The following PLEKHA6 variants were observed in gnomAD, a reference collection of about 807,000 sequenced individuals.
PLEKHA6 encodes the protein pleckstrin homology domain-containing family A member 6.
In PLEKHA6, 60 loss-of-function variants were observed where a neutral mutation model predicts 116.7. That is an observed-to-expected ratio of 0.51 (90% CI 0.42 to 0.64). The LOEUF (loss-of-function observed/expected upper bound fraction) is 0.64. PLEKHA6 is among the 30% of genes least tolerant of loss of function. The pLI, the probability that PLEKHA6 is intolerant of heterozygous loss-of-function variation, is 0.00. For missense variants in PLEKHA6, 1,338 were observed against 1,422.7 expected, an observed-to-expected ratio of 0.94 and a Z score of 0.96; for synonymous variants, 489 against 556.1, an observed-to-expected ratio of 0.88 and a Z score of 1.70.
At chr1:204,247,258 A>C in intron 13 of PLEKHA6, 107 bp downstream of exon 13, 1 of 667,042 alleles carries the variant, frequency 1.5e-6, no homozygotes. Flanking sequence ...TTCATCCTGA[A>C]ACTTAGAGTC....
At chr1:204,301,012 C>T (rs991852548) in intron 1 of PLEKHA6, among the ~76,000 whole-genome samples, 8 of 152,200 alleles carry the variant, frequency 5.3e-5, no homozygotes, top group Non-Finnish European at 1.2e-4. Context: ...TCTTTACAGC[C>T]TTTATTTATC....
chr1:204,313,960 G>A (rs1342244337), intron 1 of PLEKHA6, among the ~76,000 whole-genome samples: 1 of 152,136 alleles, frequency 6.6e-6, no homozygotes, highest in African/African-American at 2.4e-5. Context: ...AGACTTCCTG[G>A]CCTCTGCACA....
At chr1:204,364,753 G>A (rs1673619508), upstream of PLEKHA6, among the ~76,000 whole-genome samples, 2 of 152,270 alleles carry the variant, frequency 1.3e-5, no homozygotes, top group Middle Eastern at 3.4e-3. Context: ...TCGAAGTGTG[G>A]GCCCCAGAGC....
rs553592430 is a variant in PLEKHA6 at position 204,228,976 on chromosome 1, C to A, written c.2712G>T (p.Glu904Asp). The change falls in exon 19 of 23, where the codon GAG becomes GAT. Residue 904 changes from glutamate to aspartate, a missense_variant. Physicochemically the swap from Glu to Asp is conservative, Grantham distance 45. Coordinates refer to ENST00000272203, the MANE Select transcript of PLEKHA6 (RefSeq NM_014935.5). This position sits in a 1 kb window ranked among gnomAD's most constrained non-coding sequence, Gnocchi z 4.0. ...REEIARLRKM[E>D]LEPQHYDVDI... ...CCACGTCATAATGCTGGGGCTCTAG[C>A]TCCATTTTGCGAAGCCGGGCAATTT... 2.5e-6 allele frequency: 4 copies of A among 1,614,152 alleles called. No individual in the cohort carries two copies. The African/African-American group carries it at 5.3e-5, about 22-fold the overall frequency.
At chr1:204,294,855 T>C (rs963346938) in intron 1 of PLEKHA6, among the ~76,000 whole-genome samples, 8 of 152,340 alleles carry the variant, frequency 5.3e-5, no homozygotes, top group Non-Finnish European at 1.0e-4. Context: ...ACTTAGTAAA[T>C]GTTCAATAAA....
chr1:204,248,129 T>A (rs1357643347), intron 12 of PLEKHA6, among the ~76,000 whole-genome samples: 1 of 146,556 alleles, frequency 6.8e-6, no homozygotes, highest in Non-Finnish European at 1.5e-5. Context: ...CCTTACCTGC[T>A]GGGAAGTAGT....
chr1:204,257,780 G>A lies in PLEKHA6; in HGVS notation c.1097C>T (p.Pro366Leu), dbSNP rs201635940. 3.6e-5 allele frequency: 58 copies of A among 1,613,922 alleles called. No homozygotes were observed. Among genetic ancestry groups the A allele is most frequent in the Non-Finnish European group, 4.3e-5 (51 of 1,180,000 alleles). The change falls in exon 9 of 23, where the codon CCG becomes CTG. Residue 366 changes from proline to leucine, a missense_variant. By Grantham distance (98) the Pro-to-Leu change is moderately conservative. Transcript: ENST00000272203. The surrounding 1 kb of genome is among the most constrained non-coding windows in gnomAD (Gnocchi z 6.5). ...GATGCTCTCCGGCCGCACTCCTGGC[G>A]GGTAGTACTGATAATCATCGGGGTA... ...SQYPDDYQYYPPGVRPESICS... is the reference protein window; with the variant it reads ...SQYPDDYQYYLPGVRPESICS...
chr1:204,239,681 TAA>T (rs555459152), intron 17 of PLEKHA6, among the ~76,000 whole-genome samples: 11 of 152,184 alleles, frequency 7.2e-5, no homozygotes, highest in Non-Finnish European at 1.5e-4. Context: ...GCTGGATTGA[TAA>T]AACGGTGGAA....
chr1:204,223,203 C>A lies in PLEKHA6; in HGVS notation c.*8+259G>T, dbSNP rs1386248946. 1.3e-5 allele frequency among the ~76,000 whole-genome samples: 2 copies of A among 152,070 alleles called. No homozygotes were observed. The highest frequency in any genetic ancestry group is 2.4e-5 in the African/African-American group (1 of 41,402). On this transcript the variant is annotated intron_variant, in intron 22 of 22. Coordinates refer to ENST00000272203, the MANE Select transcript of PLEKHA6 (RefSeq NM_014935.5). The surrounding 1 kb of genome is among the most constrained non-coding windows in gnomAD (Gnocchi z 4.8). ...GGTGAGGTCTCGGCTCCATTCCCTG[C>A]CTGCTTCTGGAGAAGCAAAGGCCAT...
At chr1:204,239,171 C>T (rs1662465229) in intron 17 of PLEKHA6, among the ~76,000 whole-genome samples, 1 of 152,184 alleles carries the variant, frequency 6.6e-6, no homozygotes. Flanking sequence ...CTGTGGACAC[C>T]ACTCAGCCTC....
rs904618652 is a variant in PLEKHA6, at chr1:204,249,041, G to C, written c.1675-71C>G. ...CTCTGGGATTGAACAGCAGAGGCCT[G>C]AGCCCTTAGAGGTTCAACAGGCAGC... On this transcript the variant is annotated intron_variant, in intron 11 of 22. Coordinates refer to ENST00000272203, the MANE Select transcript of PLEKHA6 (RefSeq NM_014935.5). 60 of 1,552,348 alleles carry C rather than the reference G, an allele frequency of 3.9e-5. 1 individual carries two copies. The South Asian group carries it at 5.3e-4, about 14-fold the overall frequency.
rs776820802 is a variant in PLEKHA6, at chr1:204,229,046, C to T, written c.2642G>A (p.Arg881Gln). 4.1e-5 allele frequency: 66 copies of T among 1,614,030 alleles called. No individual in the cohort carries two copies. Among genetic ancestry groups the T allele is most frequent in the Non-Finnish European group, 4.2e-5 (49 of 1,180,040 alleles). ...VDISNLEAAL[R>Q]AEEPGGHAYE... The stretch of plus-strand genomic sequence containing the variant: ...GGCATGCCCGCCAGGCTCCTCTGCC[C>T]GCAGGGCTGCCTCCAGGTTGGAGAT... Residue 881 changes from arginine (R) to glutamine (Q), a missense_variant, in exon 19 of 23, where the codon CGG (arginine) becomes CAG (glutamine). Arg to Gln is a conservative substitution (Grantham distance 43). This residue lies in a region of PLEKHA6 where 1,136 missense variants were observed against 1,163.6 expected (regional missense o/e 0.98). Transcript: ENST00000272203.
intron 1 of PLEKHA6, among the ~76,000 whole-genome samples, chr1:204,348,553 G>A (rs573576648): frequency 2.6e-5 from 4 of 152,288 alleles, no homozygotes; most frequent in South Asian, 2.1e-4. Context: ...AAATGGAACC[G>A]AGCAGTGTGG....
chr1:204,275,744 C>G, intron 1 of PLEKHA6: 1 of 984,242 alleles, frequency 1.0e-6, no homozygotes, highest in South Asian at 4.7e-5. Flanking sequence ...CAAGATGGAT[C>G]CAGTAAGCGG....
intron 1 of PLEKHA6, among the ~76,000 whole-genome samples, chr1:204,348,782 T>C (rs1234663094): frequency 7.1e-6 from 1 of 141,826 alleles, no homozygotes; most frequent in African/African-American, 2.7e-5. Flanking sequence ...TTGGCAGACA[T>C]CCTGCTGACT....
intron 1 of PLEKHA6, among the ~76,000 whole-genome samples, chr1:204,333,102 C>A (rs531038676): frequency 6.6e-6 from 1 of 152,340 alleles, no homozygotes; most frequent in South Asian, 2.1e-4. Flanking sequence ...GGCCCCCAGG[C>A]CTCGGGCACC....
At chr1:204,256,700 T>C (rs1665342946) in intron 9 of PLEKHA6, 1 of 434,318 alleles carries the variant, frequency 2.3e-6, no homozygotes, top group South Asian at 6.4e-5. Context: ...GGCCAGGCAC[T>C]AGGCACAGAG....
Position 204,242,084 on chromosome 1 carries a change from C to A in PLEKHA6, c.2173-270G>T, listed in dbSNP as rs1662909419. The stretch of plus-strand genomic sequence containing the variant: ...CCCTCAACCTGACCATTTGTCTTGG[C>A]TGGCACTAAGAACCACAGACTTGCT... On this transcript the variant is annotated intron_variant, in intron 15 of 22. Transcript: ENST00000272203. 2.0e-5 allele frequency among the ~76,000 whole-genome samples: 3 copies of A among 152,172 alleles called. No homozygotes were observed. In the South Asian group the frequency reaches 6.2e-4, roughly 32 times the overall value.
chr1:204,325,922 G>A (rs1454854593), intron 1 of PLEKHA6: 35 of 984,830 alleles, frequency 3.6e-5, no homozygotes, highest in Non-Finnish European at 4.2e-5. Flanking sequence ...AGCACCGCTG[G>A]GCTGCCATTA....
Sources: allele counts gnomAD v4.1 joint callset (sites outside exome capture counted in the v4.1 genomes callset), GRCh38; gene constraint gnomAD v4.1.1; regional missense constraint gnomAD v4.1.1; non-coding constraint Gnocchi (gnomAD v3.1); transcripts MANE v1.5; gene names NCBI Gene and HGNC (gene_info 2026-07-23, HGNC 2026-07-21).